DIAPH2: variants seen among roughly 807,000 people sequenced by gnomAD.
The protein encoded by DIAPH2 is diaphanous related formin 2.
In DIAPH2, 35 loss-of-function variants were observed where a neutral mutation model predicts 92.7. That is an observed-to-expected ratio of 0.38 (90% confidence interval 0.29 to 0.50). The LOEUF (loss-of-function observed/expected upper bound fraction) is 0.50. DIAPH2 is among the 20% of genes least tolerant of loss of function. DIAPH2 has a pLI of 0.94. For missense variants in DIAPH2, 701 were observed against 819.5 expected, an observed-to-expected ratio of 0.86 and a Z score of 1.77; for synonymous variants, 301 against 280.4, an observed-to-expected ratio of 1.07 and a Z score of -0.73.
chrX:97,266,887 A>C (rs918868270), intron 23 of DIAPH2, among the ~76,000 whole-genome samples: 4 of 111,834 alleles, frequency 3.6e-5, no homozygotes, highest in African/African-American at 1.3e-4. Context: ...TAATTCTTTG[A>C]GTCAAAACAG....
intron 19 of DIAPH2, among the ~76,000 whole-genome samples, chrX:97,084,831 C>G (rs1212419717): frequency 9.0e-6 from 1 of 111,275 alleles, no homozygotes; most frequent in South Asian, 3.8e-4. Flanking sequence ...TCCAGAATGC[C>G]ATCAAAACCT....
At chrX:96,742,504 C>T (rs2147575483) in intron 3 of DIAPH2, among the ~76,000 whole-genome samples, 1 of 111,614 alleles carries the variant, frequency 9.0e-6, no homozygotes, top group East Asian at 2.8e-4. Context: ...AGCCGATGTA[C>T]TTGCAGTAGC....
chrX:96,862,687 T>A (rs889957323), intron 4 of DIAPH2, among the ~76,000 whole-genome samples: 9 of 112,124 alleles, frequency 8.0e-5, no homozygotes, highest in African/African-American at 2.9e-4. Flanking sequence ...TGTCAACATA[T>A]ATTTTTTAAA....
intron 3 of DIAPH2, among the ~76,000 whole-genome samples, chrX:96,754,524 T>C (rs773688160): frequency 7.2e-5 from 8 of 111,509 alleles, no homozygotes; most frequent in South Asian, 3.8e-4. Flanking sequence ...CATTATTTTG[T>C]TGTACATATT....
At chrX:96,806,854 C>T (rs1254581950) in intron 4 of DIAPH2, among the ~76,000 whole-genome samples, 1 of 106,800 alleles carries the variant, frequency 9.4e-6, no homozygotes, top group Non-Finnish European at 1.9e-5. Context: ...CATTCTCCTG[C>T]CTCGGCCTCC....
At chrX:96,873,647 T>C (rs707291) in intron 4 of DIAPH2, among the ~76,000 whole-genome samples, 1,027 of 95,863 alleles carry the variant, frequency 0.011, 10 homozygotes, top group Middle Eastern at 0.016. Context: ...CGTATATATA[T>C]ACACACACAC....
chrX:97,472,282 A>C (rs754880683), intron 26 of DIAPH2, among the ~76,000 whole-genome samples: 2 of 112,279 alleles, frequency 1.8e-5, no homozygotes, highest in South Asian at 7.5e-4. Context: ...TGGTGAAAAA[A>C]CACTTTCAGG....
At chrX:97,205,407 A>G (rs2067788310) in intron 22 of DIAPH2, among the ~76,000 whole-genome samples, 1 of 111,663 alleles carries the variant, frequency 9.0e-6, no homozygotes, top group African/African-American at 3.3e-5. Flanking sequence ...ATGGAAGAAT[A>G]TTTTTGCATT....
chrX:96,902,109 G>GTTGATT (rs1365710363), intron 5 of DIAPH2, among the ~76,000 whole-genome samples: 1 of 111,903 alleles, frequency 8.9e-6, no homozygotes, highest in Non-Finnish European at 1.9e-5. Flanking sequence ...TCCTTTTGCA[G>GTTGATT]TTGATTTCCA....
At chrX:97,324,555 TG>T (rs1316973222) in intron 23 of DIAPH2, among the ~76,000 whole-genome samples, 1 of 112,019 alleles carries the variant, frequency 8.9e-6, no homozygotes, top group Non-Finnish European at 1.9e-5. Flanking sequence ...TTTTTGTTCT[TG>T]TTTTTTTCTA....
intron 5 of DIAPH2, among the ~76,000 whole-genome samples, chrX:96,908,049 C>T (rs2065444600): frequency 9.0e-6 from 1 of 111,665 alleles, no homozygotes; most frequent in African/African-American, 3.3e-5. Context: ...TAATTATATT[C>T]TGGCAAGCAC....
intron 22 of DIAPH2, among the ~76,000 whole-genome samples, chrX:97,202,499 A>G (rs770686554): frequency 6.3e-5 from 7 of 111,679 alleles, no homozygotes; most frequent in Non-Finnish European, 1.3e-4. Context: ...CAAAAAAATA[A>G]AAAATAAAAA....
At chrX:97,212,972 T>A (rs2067853227) in intron 22 of DIAPH2, among the ~76,000 whole-genome samples, 1 of 111,794 alleles carries the variant, frequency 8.9e-6, no homozygotes, top group African/African-American at 3.2e-5. Context: ...ATCATTATTA[T>A]GGTTTAATTT....
rs1272488990 is a variant in DIAPH2, at chrX:97,512,029, C to G, written c.3241+82284C>G. Among the ~76,000 whole-genome samples, 217 of 112,945 alleles carry G rather than the reference C, an allele frequency of 1.9e-3. 2 individuals are homozygous for G. The highest frequency in any genetic ancestry group is 6.0e-3 in the African/African-American group (184 of 30,664). On this transcript the variant is annotated intron_variant, in intron 26 of 26. Transcript: ENST00000324765. ...CAGGACGATGCTGGCCTCATAAAAT[C>G]AGTTAGGGAGGATTCCCTCTTTTTC...
chrX:97,088,254 C>A, intron 19 of DIAPH2, among the ~76,000 whole-genome samples: 1 of 111,552 alleles, frequency 9.0e-6, no homozygotes, highest in South Asian at 3.8e-4. Context: ...CTTTAGGTGT[C>A]TTTTTTATCT....
intron 25 of DIAPH2, among the ~76,000 whole-genome samples, chrX:97,419,649 C>T (rs2069986894): frequency 9.0e-6 from 1 of 111,163 alleles, no homozygotes; most frequent in Non-Finnish European, 1.9e-5. Flanking sequence ...TTAATTCACC[C>T]AAATTACCCT....
intron 17 of DIAPH2, among the ~76,000 whole-genome samples, chrX:97,015,490 C>T (rs1033642286): frequency 9.0e-6 from 1 of 111,536 alleles, no homozygotes; most frequent in Non-Finnish European, 1.9e-5. Flanking sequence ...TGCCTTCTGA[C>T]AATCCTTCCA....
chrX:97,376,627 T>C (rs1314632019), intron 24 of DIAPH2, among the ~76,000 whole-genome samples: 1 of 112,195 alleles, frequency 8.9e-6, no homozygotes, highest in Non-Finnish European at 1.9e-5. Context: ...GGCACTGTTA[T>C]TAATAGCTTT....
In DIAPH2 at chrX:97,489,682, A is replaced by G. The variant is rs535346897; in HGVS notation, c.3241+59937A>G. On this transcript the variant is annotated intron_variant, in intron 26 of 26. Coordinates refer to ENST00000324765, the MANE Select transcript of DIAPH2 (RefSeq NM_006729.5). ...TTTTTCAAATGCTTTTTCTGCATCT[A>G]TTGGGATGATTGTGTGATTTTTATC... is the stretch of plus-strand genomic sequence containing the variant. 3.6e-5 allele frequency among the ~76,000 whole-genome samples: 4 copies of G among 111,337 alleles called. No individual in the cohort carries two copies. The South Asian group carries it at 1.5e-3, about 42-fold the overall frequency.
Sources: gnomAD v4.1 joint callset for allele counts (sites outside exome capture counted in the v4.1 genomes callset) on GRCh38, gnomAD v4.1.1 for gene constraint, MANE v1.5 for transcripts, NCBI Gene and HGNC (gene_info 2026-07-23, HGNC 2026-07-21) for gene names.